The following USH2A variants were observed in gnomAD, a reference collection of about 807,000 sequenced individuals.
The protein encoded by USH2A is usherin, also known as Usher syndrome 2A (autosomal recessive, mild).
A neutral mutation model predicts 538.9 loss-of-function variants in USH2A; 443 were observed. The ratio of observed to expected loss-of-function variants is 0.82; its 90% CI spans 0.76 to 0.89. USH2A has a LOEUF of 0.89. USH2A is among the 40% of genes least tolerant of loss of function. The pLI, the probability that USH2A is intolerant of heterozygous loss-of-function variation, is 0.00. For missense variants in USH2A, 6,633 were observed against 6,324.8 expected (o/e 1.05, Z -1.65); for synonymous variants, 2,413 against 2,273.5 (o/e 1.06, Z -1.75).
At chr1:216,046,006 G>GGGGTGTGT (rs1553294034) in intron 32 of USH2A, among the ~76,000 whole-genome samples, 1 of 137,670 alleles carries the variant, frequency 7.3e-6, no homozygotes, top group East Asian at 2.3e-4. Context: ...CTATTTATCT[G>GGGGTGTGT]GTGTGTGTGT....
chr1:216,020,874 G>C (rs1668829645), intron 32 of USH2A, among the ~76,000 whole-genome samples: 1 of 152,140 alleles, frequency 6.6e-6, no homozygotes, highest in African/African-American at 2.4e-5. Flanking sequence ...ATAGTAAGTA[G>C]AGCATTTTCT....
chr1:215,699,377 G>T (rs561289075), intron 61 of USH2A, among the ~76,000 whole-genome samples: 6 of 152,230 alleles, frequency 3.9e-5, no homozygotes, highest in African/African-American at 1.4e-4. Context: ...TAGCTTGATG[G>T]GGTAGCATTG....
At chr1:215,847,442 C>G (rs1471556613) in intron 44 of USH2A, among the ~76,000 whole-genome samples, 2 of 151,806 alleles carry the variant, frequency 1.3e-5, no homozygotes, top group Admixed American at 6.6e-5. Flanking sequence ...CTCAGGAGTT[C>G]GAGACCAGCC....
chr1:215,926,828 G>A (rs988902070), intron 38 of USH2A, among the ~76,000 whole-genome samples: 6 of 151,778 alleles, frequency 4.0e-5, no homozygotes, highest in Non-Finnish European at 8.8e-5. Flanking sequence ...GGCTGGTCTC[G>A]AACTCCCAAC....
At chr1:215,778,303 C>T (rs1246443054) in intron 55 of USH2A, among the ~76,000 whole-genome samples, 1 of 152,240 alleles carries the variant, frequency 6.6e-6, no homozygotes, top group Non-Finnish European at 1.5e-5. Flanking sequence ...CCGGCTGCCT[C>T]GGCGTCCCAA....
intron 16 of USH2A, among the ~76,000 whole-genome samples, chr1:216,201,122 T>C (rs2034989398): frequency 6.6e-6 from 1 of 150,606 alleles, no homozygotes; most frequent in Admixed American, 6.6e-5. Flanking sequence ...GCAACAATGT[T>C]TAGCCTAGTC....
intron 15 of USH2A, among the ~76,000 whole-genome samples, chr1:216,211,641 C>T (rs1390364979): frequency 6.6e-6 from 1 of 152,056 alleles, no homozygotes; most frequent in Non-Finnish European, 1.5e-5. Flanking sequence ...TCTTTTTCTT[C>T]TTTGGAATTT....
chr1:216,239,005 A>T (rs1310318041), intron 13 of USH2A, among the ~76,000 whole-genome samples: 1 of 152,134 alleles, frequency 6.6e-6, no homozygotes, highest in African/African-American at 2.4e-5. Context: ...TGCACATTGC[A>T]GGGCTGGCTA....
intron 64 of USH2A, among the ~76,000 whole-genome samples, chr1:215,655,277 A>C (rs73087461): frequency 0.039 from 6,007 of 152,298 alleles, 316 homozygotes; most frequent in African/African-American, 0.12. Context: ...CTTCACATTA[A>C]CTTTAGTCAT....
intron 61 of USH2A, among the ~76,000 whole-genome samples, chr1:215,693,132 A>ATATG (rs1201092760): frequency 6.9e-6 from 1 of 144,766 alleles, no homozygotes; most frequent in Non-Finnish European, 1.5e-5. Flanking sequence ...ATATATATAT[A>ATATG]TACACACACA....
chr1:216,081,579 C>T (rs367599614), intron 26 of USH2A, among the ~76,000 whole-genome samples: 9 of 151,890 alleles, frequency 5.9e-5, no homozygotes, highest in Admixed American at 3.9e-4. Flanking sequence ...ATATATTTAT[C>T]TAAGTGTATT....
intron 61 of USH2A, among the ~76,000 whole-genome samples, chr1:215,693,387 G>A (rs529092115): frequency 1.3e-5 from 2 of 152,150 alleles, no homozygotes; most frequent in South Asian, 4.2e-4. Context: ...TTCACATGAA[G>A]CTAGGAGATT....
chr1:216,153,067 C>T (rs1463436957), intron 21 of USH2A, among the ~76,000 whole-genome samples: 1 of 152,126 alleles, frequency 6.6e-6, no homozygotes, highest in Non-Finnish European at 1.5e-5. Flanking sequence ...AGATCATCTT[C>T]CCACTCCATC....
chr1:215,796,697 G>A (rs1388788093), intron 50 of USH2A, among the ~76,000 whole-genome samples: 2 of 152,114 alleles, frequency 1.3e-5, no homozygotes, highest in African/African-American at 4.8e-5. Context: ...GAAAGGAAGA[G>A]TCTCATGTCT....
intron 13 of USH2A, among the ~76,000 whole-genome samples, chr1:216,240,262 T>C (rs1388634845): frequency 6.6e-6 from 1 of 152,136 alleles, no homozygotes; most frequent in Non-Finnish European, 1.5e-5. Flanking sequence ...GCAGTAAGCT[T>C]TTCCTTTAGA....
At chr1:216,071,345 A>T (rs939148800) in intron 29 of USH2A, among the ~76,000 whole-genome samples, 32 of 152,164 alleles carry the variant, frequency 2.1e-4, no homozygotes, top group African/African-American at 7.7e-4. Context: ...CACTACAGAC[A>T]CCTATAGAAA....
At chr1:215,917,780 C>CAAAAAAAAAA (rs869080030) in intron 38 of USH2A, among the ~76,000 whole-genome samples, 1 of 89,620 alleles carries the variant, frequency 1.1e-5, no homozygotes, top group African/African-American at 4.4e-5. Context: ...CCTATCACTA[C>CAAAAAAAAAA]AAAAAAAAAA....
intron 16 of USH2A, among the ~76,000 whole-genome samples, chr1:216,206,357 A>G (rs905029961): frequency 6.6e-6 from 1 of 152,114 alleles, no homozygotes; most frequent in Non-Finnish European, 1.5e-5. Flanking sequence ...TGGACCCAGG[A>G]TGGGAAGGTG....
rs770949401 is a variant in USH2A at position 216,190,376 on chromosome 1, CA to C, written c.4252-10del. The C allele has an allele frequency of 1.2e-6, 2 of 1,603,890 alleles. No homozygotes were observed. The highest frequency in any genetic ancestry group is 1.4e-5 in the African/African-American group (1 of 72,376). On this transcript the variant is annotated splice_polypyrimidine_tract_variant and intron_variant, in intron 19 of 71. Coordinates refer to ENST00000307340, the MANE Select transcript of USH2A (RefSeq NM_206933.4). ...TTAGCAGTGTGCAACAGCTTCAAGG[CA>C]AAAAAGAAAGAAAGAAAGAAAGAAA...
Sources: gnomAD v4.1 joint callset for allele counts (sites outside exome capture counted in the v4.1 genomes callset) on GRCh38, gnomAD v4.1.1 for gene constraint, MANE v1.5 for transcripts, NCBI Gene and HGNC (gene_info 2026-07-23, HGNC 2026-07-21) for gene names.